The following ATP2C1 variants were observed in gnomAD, a reference collection of about 807,000 sequenced individuals.
The protein encoded by ATP2C1 is calcium-transporting ATPase type 2C member 1.
A neutral mutation model predicts 120.5 loss-of-function variants in ATP2C1; 31 were observed. That is an observed-to-expected ratio of 0.26 (90% confidence interval 0.19 to 0.35). The LOEUF (loss-of-function observed/expected upper bound fraction) is 0.35. Ranked by LOEUF, ATP2C1 falls within the 10% of genes least tolerant of loss-of-function variation. The pLI is 1.00. For missense variants in ATP2C1, 731 were observed against 1,107.5 expected, an observed-to-expected ratio of 0.66 and a Z score of 4.83; for synonymous variants, 351 against 358.7, an observed-to-expected ratio of 0.98 and a Z score of 0.24.
chr3:131,007,888 GA>G (rs1264515704), downstream of ATP2C1, among the ~76,000 whole-genome samples: 8 of 152,174 alleles, frequency 5.3e-5, no homozygotes, highest in African/African-American at 1.9e-4. Context: ...GGAAAGACAT[GA>G]CAAACTTTAC....
intron 9 of ATP2C1, among the ~76,000 whole-genome samples, chr3:130,954,783 G>A (rs1176764322): frequency 6.6e-6 from 1 of 152,080 alleles, no homozygotes; most frequent in African/African-American, 2.4e-5. Context: ...CACAGCACCC[G>A]GCCAGCAATA....
intron 2 of ATP2C1, chr3:130,918,615 T>A (rs1011938595): frequency 1.5e-6 from 1 of 674,172 alleles, no homozygotes; most frequent in Non-Finnish European, 2.8e-6. Context: ...CTTCTTTCCA[T>A]AGCAGGATTT....
At chr3:131,007,222 C>T (rs920936233), downstream of ATP2C1, among the ~76,000 whole-genome samples, 1 of 152,188 alleles carries the variant, frequency 6.6e-6, no homozygotes, top group Non-Finnish European at 1.5e-5. Flanking sequence ...CTCGTGTACA[C>T]GTGAACATAT....
chr3:130,923,098 T>C (rs1341478490), intron 2 of ATP2C1, among the ~76,000 whole-genome samples: 1 of 152,228 alleles, frequency 6.6e-6, no homozygotes, highest in Admixed American at 6.5e-5. Context: ...GTCTGTCTCA[T>C]TTCTTAGGCA....
intron 2 of ATP2C1, among the ~76,000 whole-genome samples, chr3:130,895,806 G>T (rs1479470220): frequency 1.3e-5 from 2 of 152,180 alleles, no homozygotes; most frequent in Non-Finnish European, 2.9e-5. Context: ...AATGTGTTTT[G>T]CTCTCTGAGA....
At position 130,935,914 on chromosome 3, in the gene ATP2C1, G is replaced by C. The variant is rs1387605511; in HGVS notation, c.324+1203G>C. On this transcript the variant is annotated intron_variant, in intron 5 of 27. Coordinates refer to ENST00000510168, the MANE Select transcript of ATP2C1 (RefSeq NM_001378687.1). ...GAAATACAATGGTTGTCTCAAGGAA[G>C]GGTGATGATTGTGAGGCAAACTAGC... Among the ~76,000 whole-genome samples, 3 of 152,150 alleles carry C rather than the reference G, an allele frequency of 2.0e-5. No homozygotes were observed. In the East Asian group the frequency reaches 5.8e-4, roughly 29 times the overall value.
Position 130,997,622 on chromosome 3 carries a change from G to T in ATP2C1, c.2260G>T (p.Val754Leu). The change falls in exon 25 of 28, where the codon GTG becomes TTG. Residue 754 changes from valine (V) to leucine (L), a missense_variant. Physicochemically the swap from Val to Leu is conservative, Grantham distance 32. This residue lies in a region of ATP2C1 where 141 missense variants were observed against 201.6 expected (regional missense o/e 0.70). Transcript: ENST00000510168. ...GTTTTTAAGCCTTGGAGTAGAACCAGTGGATAAAGATGTCATTCGTAAACC... is the reference window on the plus strand; with the variant it reads ...GTTTTTAAGCCTTGGAGTAGAACCATTGGATAAAGATGTCATTCGTAAACC... ...PPAQSLGVEP[V>L]DKDVIRKPPR... The T allele has an allele frequency of 1.2e-6, 2 of 1,613,472 alleles. No individual in the cohort carries two copies. The highest frequency in any genetic ancestry group is 1.7e-6 in the Non-Finnish European group (2 of 1,179,698).
intron 2 of ATP2C1, among the ~76,000 whole-genome samples, chr3:130,902,283 CGTTTTTTTTTTTTGT>C (rs2057874130): frequency 8.6e-5 from 7 of 80,940 alleles, no homozygotes; most frequent in Admixed American, 5.4e-4. Flanking sequence ...CAAGGCTTCA[CGTTTTTTTTTTTTGT>C]TTTTTTTTTT....
In ATP2C1 at chr3:130,894,855, C is replaced by T. The variant is rs2107907884; in HGVS notation, c.6+80C>T. The stretch of plus-strand genomic sequence containing the variant: ...CTTTTAAGTTGTCTTTGTTTTTCCA[C>T]CTTTTTATTTTCGTGAGCTTATTTA... On this transcript the variant is annotated intron_variant, in intron 2 of 27. Transcript: ENST00000510168. This position sits in a 1 kb window ranked among gnomAD's most constrained non-coding sequence, Gnocchi z 4.5. The T allele has an allele frequency of 3.6e-6, 5 of 1,383,540 alleles. No individual in the cohort carries two copies. The highest frequency in any genetic ancestry group is 5.2e-6 in the Non-Finnish European group (5 of 970,016). The allele number at this position is 1,383,540 out of a possible 1,614,324, so 85.7% of individuals were successfully genotyped here.
chr3:130,995,984 A>G (rs2062604389), intron 22 of ATP2C1, 59 bp from the exon 23 acceptor site: 1 of 1,104,548 alleles, frequency 9.1e-7, no homozygotes, highest in African/African-American at 1.5e-5. Flanking sequence ...GTGTTTTAGT[A>G]TAGATACATT....
chr3:130,980,792 A>C, intron 20 of ATP2C1, 113 bp downstream of exon 20: 2 of 815,420 alleles, frequency 2.5e-6, no homozygotes, highest in South Asian at 3.0e-5. Context: ...TTAAATAACC[A>C]CCAGATTTGT....
At chr3:131,016,074 A>G in intron 26 of ATP2C1, 1 of 1,544,944 alleles carries the variant, frequency 6.5e-7, no homozygotes, top group Non-Finnish European at 8.8e-7. Flanking sequence ...TGTTGCTTTA[A>G]ATATAAGTGA....
rs1225644144 is a variant in ATP2C1 at position 130,894,663 on chromosome 3, G to A, written c.-107G>A. ...AGCGGGGGTGACAGCCTGGGATTCC[G>A]GGGGCTTCTCTTCCTTGTCCTCCTC... On this transcript the variant is annotated 5_prime_UTR_variant, in exon 2 of 28. Transcript: ENST00000510168. The surrounding 1 kb of genome is among the most constrained non-coding windows in gnomAD (Gnocchi z 4.5). 11 of 1,607,288 alleles carry A rather than the reference G, an allele frequency of 6.8e-6. No individual in the cohort carries two copies. The highest frequency in any genetic ancestry group is 9.4e-6 in the Non-Finnish European group (11 of 1,175,760).
At chr3:130,857,646 C>T (rs1206028779) in intron 1 of ATP2C1, among the ~76,000 whole-genome samples, 1 of 152,188 alleles carries the variant, frequency 6.6e-6, no homozygotes, top group Non-Finnish European at 1.5e-5. Flanking sequence ...CACTGGCTTC[C>T]ATTTGCTTTT....
At chr3:130,930,196 C>T in intron 2 of ATP2C1, 1 of 533,936 alleles carries the variant, frequency 1.9e-6, no homozygotes, top group South Asian at 1.8e-5. Context: ...TGTGTTCTAG[C>T]TGGGCACCGA....
intron 12 of ATP2C1, among the ~76,000 whole-genome samples, chr3:130,962,247 A>G (rs2060852893): frequency 6.6e-6 from 1 of 152,002 alleles, no homozygotes; most frequent in African/African-American, 2.4e-5. Flanking sequence ...CATCATTGTA[A>G]TTGGTGTTTA....
chr3:130,899,720 T>C (rs1399742428), intron 2 of ATP2C1: 3 of 152,160 alleles, frequency 2.0e-5, no homozygotes, highest in Admixed American at 1.3e-4. Context: ...ACCTGTGATG[T>C]GTTTAGAAAA....
intron 8 of ATP2C1, among the ~76,000 whole-genome samples, chr3:130,952,287 G>T (rs2060402185): frequency 6.6e-6 from 1 of 152,154 alleles, no homozygotes; most frequent in South Asian, 2.1e-4. Context: ...GTATGATAAA[G>T]CACAGGGCCT....
rs754591245 is a variant in ATP2C1, at chr3:130,894,777, T to TAA, written c.6+4_6+5dup. On this transcript the variant is annotated splice_region_variant and intron_variant, in intron 2 of 27. Transcript: ENST00000510168. This position sits in a 1 kb window ranked among gnomAD's most constrained non-coding sequence, Gnocchi z 4.5. Reference sequence around the variant, plus strand: ...GTGCAGTTTCGATGGAAAATGAAGGTAAAGGCCCCTGGCCGACCGGTTGCA... The same window carrying TAA: ...GTGCAGTTTCGATGGAAAATGAAGGTAAAAAGGCCCCTGGCCGACCGGTTGCA... 2.4e-5 allele frequency: 39 copies of TAA among 1,614,120 alleles called. No homozygotes were observed. Among genetic ancestry groups the TAA allele is most frequent in the Middle Eastern group, 1.6e-4 (1 of 6,062 alleles).
Sources: allele counts gnomAD v4.1 joint callset (sites outside exome capture counted in the v4.1 genomes callset), GRCh38; gene constraint gnomAD v4.1.1; regional missense constraint gnomAD v4.1.1; non-coding constraint Gnocchi (gnomAD v3.1); transcripts MANE v1.5; gene names NCBI Gene and HGNC (gene_info 2026-07-23, HGNC 2026-07-21).